Variants in DSCAM observed in about 807,000 individuals in gnomAD.
The protein encoded by DSCAM is DS cell adhesion molecule.
In DSCAM, 47 loss-of-function variants were observed where a neutral mutation model predicts 217.7. The ratio of observed to expected loss-of-function variants is 0.22; its 90% confidence interval spans 0.17 to 0.28. The LOEUF is 0.28. Among genes scored for constraint, DSCAM ranks in the 10% least tolerant of loss-of-function variants. The pLI is 1.00. For synonymous variants in DSCAM, 1,056 were observed against 1,015.3 expected (o/e 1.04, Z -0.76); for missense variants, 2,080 against 2,618.3 (o/e 0.79, Z 4.49).
chr21:40,036,254 T>C (rs1371768413), intron 32 of DSCAM, among the ~76,000 whole-genome samples: 1 of 148,762 alleles, frequency 6.7e-6, no homozygotes, highest in Admixed American at 6.6e-5. Context: ...ATCAACAAAA[T>C]AGATAGACTG....
In DSCAM at chr21:40,795,101, C is replaced by T. The variant is rs1472158187; in HGVS notation, c.43+51518G>A. On this transcript the variant is annotated intron_variant, in intron 1 of 32. Transcript: ENST00000400454. Reference sequence around the variant, plus strand: ...GAACCCCTTTTTCCAACATCTGTGTCTTGTTATACTATTCACAACGCAAAC... The same window carrying T: ...GAACCCCTTTTTCCAACATCTGTGTTTTGTTATACTATTCACAACGCAAAC... Among the ~76,000 whole-genome samples, 3 of 151,810 alleles carry T rather than the reference C, an allele frequency of 2.0e-5. No individual in the cohort carries two copies. In the East Asian group the frequency reaches 5.8e-4, roughly 29 times the overall value.
chr21:40,109,097 A>G (rs1049306623), intron 20 of DSCAM, among the ~76,000 whole-genome samples: 1 of 152,222 alleles, frequency 6.6e-6, no homozygotes, highest in African/African-American at 2.4e-5. Flanking sequence ...ATGGGCAAAG[A>G]TTTCATGATG....
intron 1 of DSCAM, among the ~76,000 whole-genome samples, chr21:40,739,204 G>T (rs1467884525): frequency 6.6e-6 from 1 of 152,152 alleles, no homozygotes; most frequent in Non-Finnish European, 1.5e-5. Context: ...AACCTAGACA[G>T]GCGACAAGAG....
At chr21:40,181,971 T>C (rs1291924006) in intron 14 of DSCAM, among the ~76,000 whole-genome samples, 1 of 151,688 alleles carries the variant, frequency 6.6e-6, no homozygotes, top group Non-Finnish European at 1.5e-5. Context: ...GCAGCCTCTG[T>C]GAGGTGAGGA....
chr21:40,820,180 A>G (rs533358871), intron 1 of DSCAM, among the ~76,000 whole-genome samples: 1 of 152,314 alleles, frequency 6.6e-6, no homozygotes, highest in East Asian at 1.9e-4. Context: ...TTACAGCACT[A>G]TATATAATAG....
chr21:40,326,605 A>C (rs2074320019), intron 8 of DSCAM, among the ~76,000 whole-genome samples: 1 of 152,216 alleles, frequency 6.6e-6, no homozygotes, highest in Non-Finnish European at 1.5e-5. Context: ...GAAAGAAGAG[A>C]AGAGCTAGAG....
intron 11 of DSCAM, among the ~76,000 whole-genome samples, chr21:40,193,044 G>A (rs777565286): frequency 5.3e-5 from 8 of 152,168 alleles, no homozygotes; most frequent in Admixed American, 1.3e-4. Flanking sequence ...TCTTGTGGCC[G>A]GAGATTGGAG....
intron 20 of DSCAM, among the ~76,000 whole-genome samples, chr21:40,098,432 A>C: frequency 6.6e-6 from 1 of 152,220 alleles, no homozygotes; most frequent in Non-Finnish European, 1.5e-5. Context: ...TGAGGTTCAG[A>C]GAAAGTAAGT....
chr21:40,231,940 C>T (rs1047163936), intron 11 of DSCAM, among the ~76,000 whole-genome samples: 3 of 152,188 alleles, frequency 2.0e-5, no homozygotes, highest in East Asian at 1.9e-4. Context: ...TTGAGCAGCA[C>T]AATGAGAAAC....
intron 4 of DSCAM, among the ~76,000 whole-genome samples, chr21:40,361,006 G>A (rs2074757240): frequency 6.6e-6 from 1 of 152,114 alleles, no homozygotes; most frequent in Admixed American, 6.5e-5. Flanking sequence ...CATGATTGAA[G>A]CAATGCTTGA....
intron 3 of DSCAM, among the ~76,000 whole-genome samples, chr21:40,657,930 T>G (rs1233900226): frequency 6.6e-6 from 1 of 152,096 alleles, no homozygotes; most frequent in Non-Finnish European, 1.5e-5. Context: ...TTTACAAAAG[T>G]AAATAAAATA....
chr21:40,521,802 T>A (rs1337433919), intron 3 of DSCAM, among the ~76,000 whole-genome samples: 1 of 152,114 alleles, frequency 6.6e-6, no homozygotes, highest in Non-Finnish European at 1.5e-5. Flanking sequence ...GTCTGGCAAC[T>A]ACAGTCAACA....
intron 9 of DSCAM, among the ~76,000 whole-genome samples, chr21:40,297,322 A>T (rs1453814148): frequency 6.6e-6 from 1 of 152,200 alleles, no homozygotes; most frequent in Non-Finnish European, 1.5e-5. Flanking sequence ...TCTCTTAGAA[A>T]AGGTAGCATC....
chr21:40,837,509 A>T (rs2092066614), intron 1 of DSCAM, among the ~76,000 whole-genome samples: 1 of 152,204 alleles, frequency 6.6e-6, no homozygotes, highest in Non-Finnish European at 1.5e-5. Flanking sequence ...CCAAGGATTT[A>T]ATAGCTATTG....
intron 27 of DSCAM, among the ~76,000 whole-genome samples, chr21:40,069,909 T>A (rs1297850528): frequency 6.6e-6 from 1 of 151,948 alleles, no homozygotes; most frequent in Admixed American, 6.6e-5. Flanking sequence ...CCATATATAC[T>A]GGTAATCTGA....
At chr21:40,187,781 A>C in intron 13 of DSCAM, 110 bp downstream of exon 13, 1 of 967,470 alleles carries the variant, frequency 1.0e-6, no homozygotes, top group Non-Finnish European at 1.6e-6. Context: ...TTTCCTGGGA[A>C]TTAGGAAGTG....
chr21:40,680,982 T>C (rs540537355), intron 3 of DSCAM, among the ~76,000 whole-genome samples: 1 of 152,374 alleles, frequency 6.6e-6, no homozygotes, highest in East Asian at 1.9e-4. Flanking sequence ...AAATAGAATC[T>C]AGTTGTTGAA....
chr21:40,830,996 A>G (rs2092007759), intron 1 of DSCAM, among the ~76,000 whole-genome samples: 1 of 152,238 alleles, frequency 6.6e-6, no homozygotes, highest in Non-Finnish European at 1.5e-5. Flanking sequence ...TTGTCACGAC[A>G]GGGGACCAAC....
intron 20 of DSCAM, among the ~76,000 whole-genome samples, chr21:40,119,199 T>C (rs1199753346): frequency 1.3e-5 from 2 of 152,194 alleles, no homozygotes; most frequent in Non-Finnish European, 2.9e-5. Context: ...CATCTCTTGA[T>C]TGATGTGATT....
Sources: gnomAD v4.1 joint callset for allele counts (sites outside exome capture counted in the v4.1 genomes callset) on GRCh38, gnomAD v4.1.1 for gene constraint, MANE v1.5 for transcripts, NCBI Gene and HGNC (gene_info 2026-07-23, HGNC 2026-07-21) for gene names.